The following GLIS3 variants were observed in gnomAD, a reference collection of about 807,000 sequenced individuals.
GLIS3 encodes the protein GLIS family zinc finger 3.
GLIS3 carries 53 observed loss-of-function variants against 78.6 expected under a neutral mutation model. The observed-to-expected ratio is 0.67, with a 90% CI of 0.54 to 0.85. GLIS3 has a LOEUF of 0.85. Ranked by LOEUF, GLIS3 falls within the 40% of genes least tolerant of loss-of-function variation. GLIS3 has a pLI of 0.00. For synonymous variants in GLIS3, 684 were observed against 509.9 expected (o/e 1.34, Z -4.60); for missense variants, 1,703 against 1,231.1 (o/e 1.38, Z -5.74).
At chr9:4,063,256 T>C (rs1297846505) in intron 4 of GLIS3, among the ~76,000 whole-genome samples, 3 of 152,168 alleles carry the variant, frequency 2.0e-5, no homozygotes, top group Non-Finnish European at 2.9e-5. Context: ...CTTAGTGAAA[T>C]TTACCTTTTA....
intron 2 of GLIS3, among the ~76,000 whole-genome samples, chr9:4,205,401 C>A (rs1336580880): frequency 2.0e-5 from 3 of 152,142 alleles, no homozygotes; most frequent in Non-Finnish European, 4.4e-5. Flanking sequence ...CGAATTGGTT[C>A]AGGGATAGGC....
the GLIS3 span, among the ~76,000 whole-genome samples, chr9:4,417,450 A>G: frequency 6.6e-6 from 1 of 152,216 alleles, no homozygotes; most frequent in East Asian, 1.9e-4. Flanking sequence ...TACTTAATGT[A>G]TCTTGGCAGT....
intron 4 of GLIS3, among the ~76,000 whole-genome samples, chr9:3,956,911 C>G (rs529792473): frequency 6.6e-6 from 1 of 151,976 alleles, no homozygotes; most frequent in Non-Finnish European, 1.5e-5. Context: ...ATAACAAGAA[C>G]AATCTACACT....
intron 2 of GLIS3, among the ~76,000 whole-genome samples, chr9:4,174,146 T>C (rs1175346101): frequency 6.6e-6 from 1 of 152,156 alleles, no homozygotes; most frequent in Admixed American, 6.6e-5. Flanking sequence ...ATTAAAATAA[T>C]AGTTTGCCCC....
chr9:4,385,733 AAGAAAAAGAAAGAAAGAAAG>A, the GLIS3 span, among the ~76,000 whole-genome samples: 2 of 16,380 alleles, frequency 1.2e-4, 1 homozygote, highest in African/African-American at 2.5e-4. Flanking sequence ...GAAAGAAAGA[AAGAAAAAGAAAGAAAGAAAG>A]AAAGAAAGAA....
intron 2 of GLIS3, among the ~76,000 whole-genome samples, chr9:4,174,888 G>A (rs568970509): frequency 2.6e-5 from 4 of 152,192 alleles, no homozygotes; most frequent in Admixed American, 2.6e-4. Flanking sequence ...CCAACAACAC[G>A]CCTGCAAGAA....
chr9:4,353,728 G>A, the GLIS3 span, among the ~76,000 whole-genome samples: 75 of 152,246 alleles, frequency 4.9e-4, 1 homozygote, highest in Admixed American at 1.4e-3. Flanking sequence ...GTCCTCCGTC[G>A]TTTTTCTGGG....
chr9:4,401,991 C>T, the GLIS3 span, among the ~76,000 whole-genome samples: 1 of 152,154 alleles, frequency 6.6e-6, no homozygotes, highest in Non-Finnish European at 1.5e-5. Flanking sequence ...AACAGATAAA[C>T]TGCCAAGGTT....
the GLIS3 span, among the ~76,000 whole-genome samples, chr9:4,446,775 G>A: frequency 1.3e-5 from 2 of 151,238 alleles, no homozygotes; most frequent in African/African-American, 2.4e-5. Context: ...CCTCCCAAGG[G>A]GCTGGGATTA....
At chr9:4,111,614 T>C (rs904642269) in intron 4 of GLIS3, among the ~76,000 whole-genome samples, 4 of 152,260 alleles carry the variant, frequency 2.6e-5, no homozygotes, top group Non-Finnish European at 5.9e-5. Flanking sequence ...GTTTCACTTT[T>C]ACCTATACTA....
intron 2 of GLIS3, among the ~76,000 whole-genome samples, chr9:4,281,689 C>T (rs1373885228): frequency 6.6e-6 from 1 of 152,168 alleles, no homozygotes; most frequent in Non-Finnish European, 1.5e-5. Flanking sequence ...TTTTGGCTAT[C>T]ATAAATAATG....
At chr9:4,197,624 A>G (rs1191471448) in intron 2 of GLIS3, among the ~76,000 whole-genome samples, 1 of 152,194 alleles carries the variant, frequency 6.6e-6, no homozygotes, top group Non-Finnish European at 1.5e-5. Context: ...AAACCTGCCC[A>G]GTCCTGCCCT....
intron 4 of GLIS3, among the ~76,000 whole-genome samples, chr9:4,075,549 C>G (rs149743291): frequency 1.8e-4 from 27 of 152,184 alleles, no homozygotes; most frequent in African/African-American, 4.8e-4. Context: ...GCACTCCAGA[C>G]TGGATGACAG....
At chr9:4,025,123 A>G (rs1368845897) in intron 4 of GLIS3, among the ~76,000 whole-genome samples, 1 of 152,032 alleles carries the variant, frequency 6.6e-6, no homozygotes, top group African/African-American at 2.4e-5. Flanking sequence ...GTGGTGGTGC[A>G]CACCTGTAAT....
intron 4 of GLIS3, among the ~76,000 whole-genome samples, chr9:3,991,949 C>T (rs926667391): frequency 7.2e-5 from 11 of 152,136 alleles, no homozygotes; most frequent in Non-Finnish European, 1.2e-4. Flanking sequence ...CTCGGCCTCC[C>T]AAAGTGCTGG....
At chr9:3,987,962 A>G (rs1819911222) in intron 4 of GLIS3, among the ~76,000 whole-genome samples, 1 of 151,932 alleles carries the variant, frequency 6.6e-6, no homozygotes, top group Non-Finnish European at 1.5e-5. Flanking sequence ...ATGACAGCAC[A>G]TTTTCCCTCC....
the GLIS3 span, among the ~76,000 whole-genome samples, chr9:4,366,883 G>A: frequency 6.6e-6 from 1 of 152,182 alleles, no homozygotes; most frequent in Non-Finnish European, 1.5e-5. Context: ...TGGGCCAGAG[G>A]AAAATTACAG....
rs59154070 is a variant in GLIS3 at position 4,058,762 on chromosome 9, C to T, written c.1710+59006G>A. Among the ~76,000 whole-genome samples, 13 of 152,056 alleles carry T rather than the reference C, an allele frequency of 8.5e-5. No homozygotes were observed. In the East Asian group the frequency reaches 9.7e-4, roughly 11 times the overall value. ...TTGGGAGGCCAAGGCGGGCGGATCACGAGGTCAGGAGATCGAGACCATCCT... is the reference window on the plus strand; with the variant it reads ...TTGGGAGGCCAAGGCGGGCGGATCATGAGGTCAGGAGATCGAGACCATCCT... On this transcript the variant is annotated intron_variant, in intron 4 of 10. Coordinates refer to ENST00000381971, the MANE Select transcript of GLIS3 (RefSeq NM_001042413.2).
intron 6 of GLIS3, 21 bp from the exon 7 acceptor site, chr9:3,898,856 A>T (rs1365799304): frequency 1.9e-6 from 3 of 1,613,668 alleles, no homozygotes; most frequent in Non-Finnish European, 2.5e-6. Context: ...AAAACGGAAG[A>T]GACATCGATA....
Sources: gnomAD v4.1 joint callset for allele counts (sites outside exome capture counted in the v4.1 genomes callset) on GRCh38, gnomAD v4.1.1 for gene constraint, MANE v1.5 for transcripts, NCBI Gene and HGNC (gene_info 2026-07-23, HGNC 2026-07-21) for gene names.